Variants in ABCA13 observed in about 807,000 individuals in gnomAD.
ABCA13 encodes ATP binding cassette subfamily A member 13, also known as ATP-binding cassette sub-family A member 13.
In ABCA13, 476 loss-of-function variants were observed where a neutral mutation model predicts 478.7. The ratio of observed to expected loss-of-function variants is 0.99; its 90% confidence interval spans 0.92 to 1.07. The LOEUF (loss-of-function observed/expected upper bound fraction) is 1.07. Among genes scored for constraint, ABCA13 ranks in the 50% least tolerant of loss-of-function variants. ABCA13 has a pLI of 0.00. For missense variants in ABCA13, 6,060 were observed against 5,910.6 expected, an observed-to-expected ratio of 1.03 and a Z score of -0.83; for synonymous variants, 2,252 against 2,158.9, an observed-to-expected ratio of 1.04 and a Z score of -1.20.
rs1256118785 is a variant in ABCA13 at position 48,508,047 on chromosome 7, A to G, written c.13522A>G (p.Met4508Val). ...MYWFTNFLYD[M>V]LFYLVSVCLC... ...CTGGTTCACAAACTTCCTATATGAC[A>G]TGGTAGGATTTGGGAATGAGATTCT... The change falls in exon 50 of 62, where the codon ATG (methionine) becomes GTG (valine). Residue 4508 changes from methionine (M) to valine (V), a missense_variant and splice_region_variant. Physicochemically the swap from Met to Val is conservative, Grantham distance 21 (BLOSUM62 1). This residue lies in a region of ABCA13 where 1,627 missense variants were observed against 1,571.0 expected (regional missense o/e 1.04). Coordinates refer to ENST00000435803, the MANE Select transcript of ABCA13 (RefSeq NM_152701.5). 8 of 1,613,820 alleles carry G rather than the reference A, an allele frequency of 5.0e-6. No homozygotes were observed. Among genetic ancestry groups the G allele is most frequent in the Non-Finnish European group, 6.8e-6 (8 of 1,179,790 alleles).
At chr7:48,225,130 TG>T (rs1174082315) in intron 5 of ABCA13, among the ~76,000 whole-genome samples, 14 of 117,450 alleles carry the variant, frequency 1.2e-4, no homozygotes, top group Non-Finnish European at 2.1e-4. Context: ...CCTGCCTGCC[TG>T]CCTGCCTTCC....
intron 1 of ABCA13, among the ~76,000 whole-genome samples, chr7:48,190,355 C>T (rs1584056996): frequency 6.6e-6 from 1 of 152,086 alleles, no homozygotes; most frequent in Non-Finnish European, 1.5e-5. Context: ...TAGTATGTTG[C>T]TGTCTTGTTA....
intron 42 of ABCA13, among the ~76,000 whole-genome samples, chr7:48,448,838 A>G (rs1286757173): frequency 2.0e-5 from 3 of 152,090 alleles, no homozygotes; most frequent in African/African-American, 7.2e-5. Context: ...ATATTTAATT[A>G]ACCTAGCTTT....
chr7:48,497,743 A>G (rs181855061), intron 48 of ABCA13, among the ~76,000 whole-genome samples: 4 of 147,870 alleles, frequency 2.7e-5, no homozygotes, highest in Non-Finnish European at 5.9e-5. Flanking sequence ...ATGCTGTCTC[A>G]TTGTCTCTAA....
intron 18 of ABCA13, among the ~76,000 whole-genome samples, chr7:48,280,204 C>G (rs994254582): frequency 6.6e-6 from 1 of 152,182 alleles, no homozygotes; most frequent in Non-Finnish European, 1.5e-5. Flanking sequence ...ATTCACTCAT[C>G]CCAAGACTAG....
In ABCA13 at chr7:48,511,336, C is replaced by T. The variant is rs1006731767; in HGVS notation, c.13640+137C>T. On this transcript the variant is annotated intron_variant, in intron 51 of 61. Coordinates refer to ENST00000435803, the MANE Select transcript of ABCA13 (RefSeq NM_152701.5). ...AATTATGTTGCTTCTGCAAGGGACA[C>T]GGAGCAAACAAGCCTGAGCAGGATG... 6.4e-5 allele frequency: 46 copies of T among 718,236 alleles called. 1 individual carries two copies. Among genetic ancestry groups the T allele is most frequent in the Admixed American group, 8.8e-5 (3 of 34,076 alleles). 44.5% of individuals were successfully genotyped at this position (718,236 alleles called of 1,614,324 possible). A position where few individuals can be genotyped will look rare whatever the true frequency, so the allele number is the denominator to read the frequency against.
chr7:48,342,914 A>T (rs1807462975), intron 29 of ABCA13, among the ~76,000 whole-genome samples: 1 of 152,036 alleles, frequency 6.6e-6, no homozygotes, highest in Non-Finnish European at 1.5e-5. Flanking sequence ...TAAAATTTAA[A>T]TTTTCTTATT....
At chr7:48,615,948 T>C (rs1792528819) in intron 59 of ABCA13, among the ~76,000 whole-genome samples, 1 of 152,198 alleles carries the variant, frequency 6.6e-6, no homozygotes, top group Non-Finnish European at 1.5e-5. Flanking sequence ...TTTCTTTATT[T>C]CCTTTTTGGA....
chr7:48,533,570 G>A (rs1187303630), intron 55 of ABCA13, among the ~76,000 whole-genome samples: 5 of 152,020 alleles, frequency 3.3e-5, no homozygotes, highest in African/African-American at 1.2e-4. Context: ...TTGGTGACCT[G>A]ACTAGTGCAG....
intron 27 of ABCA13, among the ~76,000 whole-genome samples, chr7:48,324,087 A>T (rs1481367819): frequency 6.6e-6 from 1 of 152,164 alleles, no homozygotes; most frequent in South Asian, 2.1e-4. Flanking sequence ...AAACAGACTA[A>T]TACAGCCTGT....
chr7:48,290,624 A>G (rs967790192), intron 20 of ABCA13, among the ~76,000 whole-genome samples: 1 of 152,222 alleles, frequency 6.6e-6, no homozygotes, highest in Non-Finnish European at 1.5e-5. Flanking sequence ...TTTAAGAATA[A>G]CATCCATAGC....
At chr7:48,645,390 AAAC>A (rs1795380019) in intron 61 of ABCA13, 24 bp from the exon 62 acceptor site, 7 of 1,527,168 alleles carry the variant, frequency 4.6e-6, no homozygotes, top group Non-Finnish European at 6.2e-6. Context: ...TCTTATAAGT[AAAC>A]AACATTTTTA....
At chr7:48,248,799 G>A (rs993522260) in intron 14 of ABCA13, among the ~76,000 whole-genome samples, 5 of 152,138 alleles carry the variant, frequency 3.3e-5, no homozygotes, top group Middle Eastern at 3.4e-3. Context: ...CAGAAAATTC[G>A]CCTTGATTTT....
At chr7:48,609,805 A>G (rs772201946) in intron 58 of ABCA13, among the ~76,000 whole-genome samples, 5 of 152,012 alleles carry the variant, frequency 3.3e-5, no homozygotes, top group Non-Finnish European at 7.4e-5. Context: ...AAGGTGCTAC[A>G]CATTTGTTAA....
At chr7:48,254,597 T>C (rs1249847948) in intron 15 of ABCA13, among the ~76,000 whole-genome samples, 1 of 151,512 alleles carries the variant, frequency 6.6e-6, no homozygotes, top group Non-Finnish European at 1.5e-5. Flanking sequence ...AATGCGACAC[T>C]CTGCATGATT....
At chr7:48,376,119 TG>T (rs1310400753) in intron 34 of ABCA13, among the ~76,000 whole-genome samples, 4 of 152,196 alleles carry the variant, frequency 2.6e-5, no homozygotes, top group African/African-American at 7.2e-5. Context: ...AAAATTTTTT[TG>T]AATGCTTATT....
chr7:48,405,308 G>C (rs1322230593), intron 39 of ABCA13, among the ~76,000 whole-genome samples: 2 of 152,176 alleles, frequency 1.3e-5, no homozygotes, highest in Non-Finnish European at 2.9e-5. Flanking sequence ...TGCCAAGGTG[G>C]GGAGGCAGGC....
At chr7:48,338,132 C>T (rs1214806426) in intron 28 of ABCA13, among the ~76,000 whole-genome samples, 1 of 152,186 alleles carries the variant, frequency 6.6e-6, no homozygotes, top group Non-Finnish European at 1.5e-5. Context: ...AGTATTAACA[C>T]ATAATTACAA....
intron 58 of ABCA13, among the ~76,000 whole-genome samples, chr7:48,609,531 A>G (rs1439028275): frequency 2.0e-5 from 3 of 149,962 alleles, no homozygotes; most frequent in African/African-American, 4.8e-5. Flanking sequence ...TTGGTAAAGC[A>G]TGGAGCAGGA....
Sources: allele counts gnomAD v4.1 joint callset (sites outside exome capture counted in the v4.1 genomes callset), GRCh38; gene constraint gnomAD v4.1.1; regional missense constraint gnomAD v4.1.1; transcripts MANE v1.5; gene names NCBI Gene and HGNC (gene_info 2026-07-23, HGNC 2026-07-21).